The following ZNF638 variants were observed in gnomAD, a reference collection of about 807,000 sequenced individuals.
ZNF638 encodes CTCL tumor antigen se33-1.
A neutral mutation model predicts 195.6 loss-of-function variants in ZNF638; 46 were observed. That is an observed-to-expected ratio of 0.24 (90% CI 0.19 to 0.30). ZNF638 has a LOEUF of 0.30. Among genes scored for constraint, ZNF638 ranks in the 10% least tolerant of loss-of-function variants. The pLI, the probability that ZNF638 is intolerant of heterozygous loss-of-function variation, is 1.00. For missense variants in ZNF638, 2,440 were observed against 2,325.3 expected (o/e 1.05, Z -1.01); for synonymous variants, 845 against 772.0 (o/e 1.09, Z -1.57).
At chr2:71,428,197 AAAG>A (rs2080579196) in intron 24 of ZNF638, among the ~76,000 whole-genome samples, 1 of 152,152 alleles carries the variant, frequency 6.6e-6, no homozygotes, top group Admixed American at 6.5e-5. Context: ...TTGTCTCCAA[AAAG>A]AAGAAAAAAA....
intron 23 of ZNF638, among the ~76,000 whole-genome samples, chr2:71,425,003 G>C (rs1454272002): frequency 1.3e-5 from 2 of 152,078 alleles, no homozygotes; most frequent in Non-Finnish European, 2.9e-5. Context: ...ATCTCATATT[G>C]ACAGGAATAG....
chr2:71,332,454 A>G (rs1214422079), intron 1 of ZNF638, among the ~76,000 whole-genome samples: 2 of 152,208 alleles, frequency 1.3e-5, no homozygotes, highest in African/African-American at 4.8e-5. Context: ...GTTAGGATCC[A>G]GCGGCTTTTC....
Position 71,344,125 on chromosome 2 carries a change from G to A in ZNF638, c.-202-4628G>A, listed in dbSNP as rs574243266. On this transcript the variant is annotated intron_variant, in intron 1 of 27. Coordinates refer to ENST00000264447, the MANE Select transcript of ZNF638 (RefSeq NM_014497.5). ...AGCTTGGGCGACAGAGCGAGACTCC[G>A]TCTCAAAAAAAATAAAAATAAAATA... Among the ~76,000 whole-genome samples the A allele has an allele frequency of 1.9e-4, 29 of 152,208 alleles. 1 individual carries two copies. The highest frequency in any genetic ancestry group is 1.3e-3 in the East Asian group (7 of 5,186).
At chr2:71,404,040 T>A (rs2080056313) in intron 17 of ZNF638, 42 bp downstream of exon 17, 4 of 1,569,990 alleles carry the variant, frequency 2.5e-6, no homozygotes, top group Non-Finnish European at 2.6e-6. Context: ...ACTAAGTTTT[T>A]AAATCAGATT....
chr2:71,399,285 T>G (rs1398497965), intron 12 of ZNF638, among the ~76,000 whole-genome samples: 3 of 152,204 alleles, frequency 2.0e-5, no homozygotes, highest in Non-Finnish European at 2.9e-5. Context: ...TTACACAGTA[T>G]TATTTTTGCG....
chr2:71,356,881 C>T (rs1353278088), intron 3 of ZNF638, among the ~76,000 whole-genome samples: 3 of 151,918 alleles, frequency 2.0e-5, no homozygotes, highest in African/African-American at 7.3e-5. Context: ...GTTTCAGGAG[C>T]AGCTGTATTG....
intron 1 of ZNF638, among the ~76,000 whole-genome samples, chr2:71,347,066 C>G (rs2078862594): frequency 6.6e-6 from 1 of 151,926 alleles, no homozygotes; most frequent in Admixed American, 6.6e-5. Context: ...AAGACTCACT[C>G]TTGGCATTGG....
chr2:71,359,696 A>G (rs2079077713), intron 3 of ZNF638, among the ~76,000 whole-genome samples: 1 of 152,248 alleles, frequency 6.6e-6, no homozygotes, highest in African/African-American at 2.4e-5. Flanking sequence ...CTCCACTGCA[A>G]AATAATTTAA....
chr2:71,364,432 G>C (rs983716939), intron 5 of ZNF638, among the ~76,000 whole-genome samples, 180 bp downstream of exon 5: 1 of 152,304 alleles, frequency 6.6e-6, no homozygotes, highest in East Asian at 1.9e-4. Context: ...GTGTGTGAAT[G>C]TATGTGTCCA....
At position 71,363,974 on chromosome 2, in the gene ZNF638, A is replaced by G; in HGVS notation, c.1439A>G (p.Glu480Gly). Reference protein sequence around the residue: ...PSRRNEGNRKENETPRRRSHS... With the variant: ...PSRRNEGNRKGNETPRRRSHS... ...TGTAGAAATGAGGGCAATAGAAAAG[A>G]AAATGAAACTCCACGAAGACGTTCT... is the stretch of plus-strand genomic sequence containing the variant. Residue 480 changes from glutamate to glycine, a missense_variant, in exon 5 of 28, where the codon GAA becomes GGA. This residue lies in a region of ZNF638 where 1,883 missense variants were observed against 1,739.1 expected (regional missense o/e 1.08). Transcript: ENST00000264447. 6.2e-7 allele frequency: 1 copy of G among 1,612,984 alleles called. No homozygotes were observed. Among genetic ancestry groups the G allele is most frequent in the Non-Finnish European group, 8.5e-7 (1 of 1,179,424 alleles).
At chr2:71,434,486 A>T (rs1028876046) in intron 27 of ZNF638, among the ~76,000 whole-genome samples, 2 of 152,166 alleles carry the variant, frequency 1.3e-5, no homozygotes, top group East Asian at 3.8e-4. Flanking sequence ...TCCCATTAGA[A>T]TGTAAGCTTT....
chr2:71,430,038 G>A (rs13032033), intron 25 of ZNF638, among the ~76,000 whole-genome samples: 51,266 of 152,054 alleles, frequency 0.34, 9,849 homozygotes, highest in African/African-American at 0.51. Flanking sequence ...GCTTAGAACT[G>A]CCTCATTGCA....
At chr2:71,389,180 T>C (rs1000664120) in intron 10 of ZNF638, among the ~76,000 whole-genome samples, 3 of 152,050 alleles carry the variant, frequency 2.0e-5, no homozygotes, top group African/African-American at 7.2e-5. Context: ...AAACAGAGGT[T>C]TTCCCTGAGC....
At chr2:71,399,691 T>A (rs765752424) in intron 13 of ZNF638, 46 bp downstream of exon 13, 1 of 1,491,058 alleles carries the variant, frequency 6.7e-7, no homozygotes, top group Non-Finnish European at 9.2e-7. Context: ...TCTTTTCTTT[T>A]TTTTAACTTT....
chr2:71,420,531 G>A (rs2080409527), intron 21 of ZNF638, among the ~76,000 whole-genome samples: 1 of 152,160 alleles, frequency 6.6e-6, no homozygotes, highest in Admixed American at 6.5e-5. Flanking sequence ...GTCTTTCAGT[G>A]TTAACGTTTG....
In ZNF638 at chr2:71,424,000, A is replaced by G. The variant is rs772037528; in HGVS notation, c.4486A>G (p.Arg1496Gly). ...ITKQSQETEA[R>G]PSIMKRDDSN... is the part of the protein sequence containing the mutation. The stretch of plus-strand genomic sequence containing the variant: ...AAAACAATCTCAGGAAACAGAGGCT[A>G]GACCTTCCATCATGAAACGGGATGA... Residue 1496 changes from arginine to glycine, a missense_variant, in exon 22 of 28, where the codon AGA becomes GGA. Arg to Gly is a moderately radical substitution (Grantham distance 125). Around this residue, in one of 5 missense-constraint regions of ZNF638, gnomAD observed 1,883 missense variants for 1,739.1 expected, o/e 1.08. Transcript: ENST00000264447. 1.5e-5 allele frequency: 25 copies of G among 1,613,960 alleles called. No homozygotes were observed. The highest frequency in any genetic ancestry group is 1.3e-4 in the Admixed American group (8 of 60,004).
At chr2:71,392,565 A>C (rs1314063117) in intron 10 of ZNF638, among the ~76,000 whole-genome samples, 1 of 152,146 alleles carries the variant, frequency 6.6e-6, no homozygotes, top group Non-Finnish European at 1.5e-5. Context: ...GGGTCAACAT[A>C]CACAGTTTTA....
chr2:71,399,832 C>T (rs1011634303), intron 13 of ZNF638, among the ~76,000 whole-genome samples, 187 bp downstream of exon 13: 3 of 152,130 alleles, frequency 2.0e-5, no homozygotes, highest in Admixed American at 6.5e-5. Flanking sequence ...TCCTCTCCTT[C>T]GTCCCATCCT....
chr2:71,347,196 G>A (rs2078865067), intron 1 of ZNF638, among the ~76,000 whole-genome samples: 1 of 152,104 alleles, frequency 6.6e-6, no homozygotes, highest in Non-Finnish European at 1.5e-5. Flanking sequence ...TAGGAACAAA[G>A]GCATAGCAAA....
Sources: allele counts gnomAD v4.1 joint callset (sites outside exome capture counted in the v4.1 genomes callset), GRCh38; gene constraint gnomAD v4.1.1; regional missense constraint gnomAD v4.1.1; transcripts MANE v1.5; gene names NCBI Gene and HGNC (gene_info 2026-07-23, HGNC 2026-07-21).